PTPN9: variants seen among roughly 807,000 people sequenced by gnomAD.
PTPN9 encodes the protein tyrosine-protein phosphatase non-receptor type 9.
Under a neutral mutation model 69.8 loss-of-function variants are expected in PTPN9, and 26 were observed. The ratio of observed to expected loss-of-function variants is 0.37; its 90% CI spans 0.27 to 0.52. The LOEUF (loss-of-function observed/expected upper bound fraction) is 0.52, where lower values mean the gene tolerates loss of function less well. PTPN9 is among the 20% of genes least tolerant of loss of function. PTPN9 has a pLI of 0.91. For synonymous variants in PTPN9, 274 were observed against 272.5 expected, an observed-to-expected ratio of 1.01 and a Z score of -0.05; for missense variants, 549 against 740.3, an observed-to-expected ratio of 0.74 and a Z score of 3.00.
At position 75,466,827 on chromosome 15, in the gene PTPN9, C is replaced by T. The variant is rs1051656429; in HGVS notation, c.*1942G>A. ...TATATAGAAATGAGAAAGGGGTGCA[C>T]AGGAGAAGGGAGAGAAGATAATATC... On this transcript the variant is annotated 3_prime_UTR_variant, in exon 13 of 13. Transcript: ENST00000618819. 4 of 152,178 alleles carry T rather than the reference C, an allele frequency of 2.6e-5. No homozygotes were observed. The highest frequency in any genetic ancestry group is 9.7e-5 in the African/African-American group (4 of 41,424). The allele number at this position is 152,178 out of a possible 1,614,324, so 9.4% of individuals were successfully genotyped here.
intron 12 of PTPN9, 83 bp from the exon 13 acceptor site, chr15:75,469,066 G>T: frequency 7.8e-7 from 1 of 1,282,486 alleles, no homozygotes; most frequent in African/African-American, 1.5e-5. Flanking sequence ...AGAACTGAAT[G>T]AATGACTTCA....
At chr15:75,479,107 G>C (rs2074613462) in intron 9 of PTPN9, among the ~76,000 whole-genome samples, 1 of 152,210 alleles carries the variant, frequency 6.6e-6, no homozygotes, top group African/African-American at 2.4e-5. Context: ...AGGAGTTCGA[G>C]ACCAGCCTGT....
At chr15:75,555,422 C>A (rs758850439) in intron 1 of PTPN9, among the ~76,000 whole-genome samples, 2 of 152,074 alleles carry the variant, frequency 1.3e-5, no homozygotes, top group Non-Finnish European at 2.9e-5. Context: ...CTGGATCCCA[C>A]CTCGGAGTTT....
At chr15:75,492,475 G>A (rs2074716206) in intron 7 of PTPN9, among the ~76,000 whole-genome samples, 1 of 152,122 alleles carries the variant, frequency 6.6e-6, no homozygotes, top group Admixed American at 6.5e-5. Flanking sequence ...AGCTAAAAAT[G>A]GGAATAAAAT....
At chr15:75,480,791 G>C (rs558057944) in intron 8 of PTPN9, 19 of 1,014,596 alleles carry the variant, frequency 1.9e-5, no homozygotes, top group African/African-American at 5.2e-5. Context: ...GCGAGGCAGC[G>C]GCTGGAGGAG....
At chr15:75,549,887 T>C (rs1418556303) in intron 1 of PTPN9, among the ~76,000 whole-genome samples, 1 of 151,960 alleles carries the variant, frequency 6.6e-6, no homozygotes, top group African/African-American at 2.4e-5. Flanking sequence ...GGTGGGAGGA[T>C]TGCTTAAGCA....
intron 4 of PTPN9, among the ~76,000 whole-genome samples, chr15:75,519,130 CAG>C (rs1215255737): frequency 2.0e-5 from 3 of 152,180 alleles, no homozygotes; most frequent in African/African-American, 7.2e-5. Context: ...TGTTTTGAGA[CAG>C]AGTTTCACTC....
chr15:75,524,160 TA>T, intron 3 of PTPN9, 48 bp downstream of exon 3: 3 of 1,047,738 alleles, frequency 2.9e-6, no homozygotes, highest in Admixed American at 2.4e-5. Context: ...GGACACCAGT[TA>T]AAAAAGGAAG....
rs2074525138 is a variant in PTPN9 at position 75,463,524 on chromosome 15, A to C, written c.*5245T>G. ...AGCTAGGATTCTAGTGGAGTTAGCT[A>C]TGTCCACCATGGCCTTAGCCTGAAA... On this transcript the variant is annotated 3_prime_UTR_variant, in exon 13 of 13. Transcript: ENST00000618819. 3.3e-5 allele frequency: 5 copies of C among 152,302 alleles called. No individual in the cohort carries two copies. The South Asian group carries it at 1.0e-3, about 32-fold the overall frequency. 9.4% of individuals were successfully genotyped at this position (152,302 alleles called of 1,614,324 possible).
At chr15:75,481,980 G>A (rs1260723279) in intron 8 of PTPN9, among the ~76,000 whole-genome samples, 2 of 145,944 alleles carry the variant, frequency 1.4e-5, no homozygotes, top group African/African-American at 5.1e-5. Context: ...ATTGAGAACG[G>A]GCCAGGATGA....
intron 1 of PTPN9, among the ~76,000 whole-genome samples, chr15:75,552,001 C>T (rs1346887432): frequency 1.3e-5 from 2 of 148,900 alleles, no homozygotes. Context: ...GAGATTTCAC[C>T]ATTGCACTCC....
Position 75,505,703 on chromosome 15 carries a change from T to C in PTPN9, c.940A>G (p.Asn314Asp). 1 of 1,614,016 alleles carries C rather than the reference T, an allele frequency of 6.2e-7. No individual in the cohort carries two copies. Among genetic ancestry groups the C allele is most frequent in the Non-Finnish European group, 8.5e-7 (1 of 1,179,932 alleles). ...GAACAGTGGAAAGTGCCAACAGGGT[T>C]CTCACGACGAATGTCTTCATATTCC... ...YEEYEDIRRE[N>D]PVGTFHCSMS... Residue 314 changes from asparagine (N) to aspartate (D), a missense_variant, in exon 7 of 13, where the codon AAC becomes GAC. Asn to Asp is a conservative substitution (Grantham distance 23, BLOSUM62 1). This residue lies in a region of PTPN9 where 457 missense variants were observed against 661.9 expected (regional missense o/e 0.69). Coordinates refer to ENST00000618819, the MANE Select transcript of PTPN9 (RefSeq NM_002833.4).
At chr15:75,512,008 A>C (rs1013846445) in intron 5 of PTPN9, among the ~76,000 whole-genome samples, 4 of 151,718 alleles carry the variant, frequency 2.6e-5, no homozygotes, top group African/African-American at 4.8e-5. Flanking sequence ...ACGCCTGGCT[A>C]ACTTTTTTGT....
chr15:75,509,270 T>A (rs2074834697), intron 5 of PTPN9, among the ~76,000 whole-genome samples: 1 of 152,232 alleles, frequency 6.6e-6, no homozygotes, highest in Admixed American at 6.5e-5. Flanking sequence ...GATCAAAAAC[T>A]ATTCTGACTT....
At chr15:75,526,990 T>TCACA in intron 2 of PTPN9, 128 bp downstream of exon 2, 1 of 1,200,450 alleles carries the variant, frequency 8.3e-7, no homozygotes, top group Non-Finnish European at 1.2e-6. Flanking sequence ...GGCTCCTGGA[T>TCACA]ATGGATCCAT....
At chr15:75,527,038 T>C in intron 2 of PTPN9, 80 bp downstream of exon 2, 7 of 1,515,892 alleles carry the variant, frequency 4.6e-6, no homozygotes, top group South Asian at 4.6e-5. Context: ...AGAGAACCAA[T>C]GTGTGTGTCG....
chr15:75,537,444 A>T (rs868546135), intron 1 of PTPN9, among the ~76,000 whole-genome samples: 6 of 32,602 alleles, frequency 1.8e-4, no homozygotes, highest in African/African-American at 8.4e-4. Context: ...TATCTTCCCT[A>T]AAAAAAAAAA....
rs200342452 is a variant in PTPN9 at position 75,505,717 on chromosome 15, T to A, written c.926A>T (p.Asp309Val). 1.2e-6 allele frequency: 2 copies of A among 1,614,098 alleles called. No homozygotes were observed. The highest frequency in any genetic ancestry group is 1.7e-6 in the Non-Finnish European group (2 of 1,179,978). Residue 309 changes from aspartate to valine, a missense_variant, in exon 7 of 13, where the codon GAC (aspartate) becomes GTC (valine). This residue lies in a region of PTPN9 where 457 missense variants were observed against 661.9 expected (regional missense o/e 0.69). Transcript: ENST00000618819. ...GCCAACAGGGTTCTCACGACGAATG[T>A]CTTCATATTCCTCATAGATTCCTTG... ...QKQGIYEEYE[D>V]IRRENPVGTF... is the part of the protein sequence containing the mutation.
chr15:75,553,876 T>C (rs2075065694), intron 1 of PTPN9, among the ~76,000 whole-genome samples: 1 of 152,160 alleles, frequency 6.6e-6, no homozygotes, highest in Admixed American at 6.6e-5. Context: ...AAAGTAGGAC[T>C]CTTCCTGAAT....
Sources: allele counts gnomAD v4.1 joint callset (sites outside exome capture counted in the v4.1 genomes callset), GRCh38; gene constraint gnomAD v4.1.1; regional missense constraint gnomAD v4.1.1; transcripts MANE v1.5; gene names NCBI Gene and HGNC (gene_info 2026-07-23, HGNC 2026-07-21).